CAMK4: variants seen among roughly 807,000 people sequenced by gnomAD.
CAMK4 encodes the protein calcium/calmodulin dependent protein kinase IV, also known as calcium/calmodulin-dependent protein kinase type IV.
Under a neutral mutation model 44.9 loss-of-function variants are expected in CAMK4, and 22 were observed. The observed-to-expected ratio is 0.49, with a 90% CI of 0.35 to 0.70. The LOEUF (loss-of-function observed/expected upper bound fraction) is 0.70. Among genes scored for constraint, CAMK4 ranks in the 30% least tolerant of loss-of-function variants. CAMK4 has a pLI of 0.01. For missense variants in CAMK4, 498 were observed against 586.8 expected (o/e 0.85, Z 1.56); for synonymous variants, 218 against 215.4 (o/e 1.01, Z -0.11).
intron 5 of CAMK4, among the ~76,000 whole-genome samples, chr5:111,423,042 T>A (rs1753087667): frequency 6.6e-6 from 1 of 152,218 alleles, no homozygotes; most frequent in African/African-American, 2.4e-5. Context: ...CAATAAATAT[T>A]CATTGACTTG....
chr5:111,377,263 A>C (rs1751248077), intron 4 of CAMK4, among the ~76,000 whole-genome samples: 1 of 152,126 alleles, frequency 6.6e-6, no homozygotes, highest in Admixed American at 6.6e-5. Flanking sequence ...ATTTATGAGA[A>C]TATCTTAAGA....
intron 1 of CAMK4, among the ~76,000 whole-genome samples, chr5:111,255,254 C>A (rs1442570479): frequency 4.6e-5 from 7 of 152,138 alleles, no homozygotes; most frequent in African/African-American, 1.7e-4. Flanking sequence ...GTCTGCCCAT[C>A]CTGTGCCATC....
intron 3 of CAMK4, among the ~76,000 whole-genome samples, 187 bp from the exon 4 acceptor site, chr5:111,376,673 A>G (rs1300984870): frequency 6.6e-6 from 1 of 152,124 alleles, no homozygotes; most frequent in African/African-American, 2.4e-5. Context: ...AAATGAGGTA[A>G]CTGATAAAAT....
intron 4 of CAMK4, among the ~76,000 whole-genome samples, chr5:111,385,529 G>T (rs1235697071): frequency 6.6e-6 from 1 of 152,028 alleles, no homozygotes; most frequent in Non-Finnish European, 1.5e-5. Context: ...TTAAGTGAAT[G>T]ATTGAATAGT....
intron 3 of CAMK4, 79 bp downstream of exon 3, chr5:111,374,991 G>C (rs1481851308): frequency 1.2e-6 from 1 of 853,936 alleles, no homozygotes; most frequent in East Asian, 2.7e-5. Flanking sequence ...TGTCAGTGCT[G>C]ATAATGAGAA....
intron 1 of CAMK4, among the ~76,000 whole-genome samples, chr5:111,324,034 A>G (rs1748771683): frequency 1.3e-5 from 2 of 152,060 alleles, no homozygotes; most frequent in Non-Finnish European, 2.9e-5. Flanking sequence ...ACTGAGAAAA[A>G]TAAGATATAT....
chr5:111,373,236 T>C (rs1751078803), intron 2 of CAMK4, among the ~76,000 whole-genome samples: 1 of 152,176 alleles, frequency 6.6e-6, no homozygotes, highest in Admixed American at 6.6e-5. Context: ...CAATTTAATG[T>C]TTTATTGCGT....
intron 4 of CAMK4, among the ~76,000 whole-genome samples, chr5:111,385,567 G>A (rs893745821): frequency 4.0e-5 from 6 of 150,880 alleles, no homozygotes; most frequent in Non-Finnish European, 5.9e-5. Flanking sequence ...ATATATATGT[G>A]TGTGTTTTGT....
chr5:111,374,815 T>G, intron 2 of CAMK4, 35 bp from the exon 3 acceptor site: 1 of 1,360,798 alleles, frequency 7.3e-7, no homozygotes, highest in African/African-American at 1.4e-5. Flanking sequence ...AGGGGGGAGT[T>G]TCTTTCAGTT....
chr5:111,472,087 G>T (rs1161762279), intron 7 of CAMK4, among the ~76,000 whole-genome samples: 2 of 151,832 alleles, frequency 1.3e-5, no homozygotes, highest in East Asian at 3.9e-4. Flanking sequence ...TAGAGACAGG[G>T]TTTCACCATG....
intron 1 of CAMK4, among the ~76,000 whole-genome samples, chr5:111,316,498 G>A (rs1281974286): frequency 6.6e-6 from 1 of 152,136 alleles, no homozygotes; most frequent in Non-Finnish European, 1.5e-5. Context: ...CTGAGCTTCT[G>A]ATAGATGTTG....
chr5:111,233,432 A>G (rs62376854), intron 1 of CAMK4, among the ~76,000 whole-genome samples: 5,810 of 152,112 alleles, frequency 0.038, 153 homozygotes, highest in Non-Finnish European at 0.057. Context: ...TTTTTGTCTG[A>G]TACTGATTAT....
chr5:111,470,076 C>T (rs890361694), intron 7 of CAMK4, among the ~76,000 whole-genome samples: 2 of 152,218 alleles, frequency 1.3e-5, no homozygotes, highest in East Asian at 1.9e-4. Context: ...GTGCATTCGG[C>T]TCCTTGACTG....
At chr5:111,301,915 A>C (rs1256884914) in intron 1 of CAMK4, among the ~76,000 whole-genome samples, 3 of 152,120 alleles carry the variant, frequency 2.0e-5, no homozygotes, top group Non-Finnish European at 4.4e-5. Flanking sequence ...GTTGGTTTTC[A>C]TATGAGAAAG....
In CAMK4 at chr5:111,386,408, T is replaced by C. The variant is rs1038935081; in HGVS notation, c.387-8302T>C. On this transcript the variant is annotated intron_variant, in intron 4 of 10. Coordinates refer to ENST00000282356, the MANE Select transcript of CAMK4 (RefSeq NM_001744.6). The stretch of plus-strand genomic sequence containing the variant: ...ACATAAACCTAGTCATCTACAGTTA[T>C]TATGCAGCCATTTGAGAAAAAGCTG... Among the ~76,000 whole-genome samples the C allele has an allele frequency of 1.1e-4, 16 of 152,282 alleles. 1 individual carries two copies. The East Asian group carries it at 1.4e-3, about 13-fold the overall frequency.
intron 2 of CAMK4, among the ~76,000 whole-genome samples, chr5:111,348,917 T>G (rs1749979266): frequency 6.6e-6 from 1 of 152,038 alleles, no homozygotes; most frequent in South Asian, 2.1e-4. Flanking sequence ...GTTATAAATG[T>G]ATTGAAGTGC....
chr5:111,325,964 A>C (rs1236179014), intron 1 of CAMK4, among the ~76,000 whole-genome samples: 1 of 152,134 alleles, frequency 6.6e-6, no homozygotes, highest in East Asian at 1.9e-4. Flanking sequence ...CAGCTAAAGT[A>C]GTGTTTAAAG....
intron 1 of CAMK4, among the ~76,000 whole-genome samples, chr5:111,230,444 T>C (rs887054359): frequency 6.6e-6 from 1 of 152,240 alleles, no homozygotes; most frequent in Non-Finnish European, 1.5e-5. Flanking sequence ...TTTGGAAATA[T>C]ACTCACTGTA....
chr5:111,483,596 C>T (rs1755505629), intron 10 of CAMK4, among the ~76,000 whole-genome samples: 1 of 152,030 alleles, frequency 6.6e-6, no homozygotes, highest in Non-Finnish European at 1.5e-5. Context: ...ATAAATACCC[C>T]AAATTAAATA....
Sources: allele counts gnomAD v4.1 joint callset (sites outside exome capture counted in the v4.1 genomes callset), GRCh38; gene constraint gnomAD v4.1.1; transcripts MANE v1.5; gene names NCBI Gene and HGNC (gene_info 2026-07-23, HGNC 2026-07-21).